SMYD3: variants seen among roughly 807,000 people sequenced by gnomAD.
The protein encoded by SMYD3 is histone-lysine N-methyltransferase SMYD3.
Under a neutral mutation model 57.7 loss-of-function variants are expected in SMYD3, and 36 were observed. The observed-to-expected ratio is 0.62, with a 90% CI of 0.48 to 0.82. The LOEUF (loss-of-function observed/expected upper bound fraction) is 0.82, where lower values mean the gene tolerates loss of function less well. Ranked by LOEUF, SMYD3 falls within the 40% of genes least tolerant of loss-of-function variation. SMYD3 has a pLI of 0.00. For missense variants in SMYD3, 515 were observed against 538.8 expected, an observed-to-expected ratio of 0.96 and a Z score of 0.44; for synonymous variants, 211 against 195.0, an observed-to-expected ratio of 1.08 and a Z score of -0.68.
At chr1:245,862,093 GTT>G (rs972793867) in intron 9 of SMYD3, among the ~76,000 whole-genome samples, 20 of 36,320 alleles carry the variant, frequency 5.5e-4, no homozygotes, top group African/African-American at 9.7e-4. Flanking sequence ...AGAGTTGACT[GTT>G]TTCCGTTTTC....
chr1:246,185,631 T>C (rs1196572874), intron 5 of SMYD3, among the ~76,000 whole-genome samples: 1 of 152,064 alleles, frequency 6.6e-6, no homozygotes, highest in Non-Finnish European at 1.5e-5. Flanking sequence ...CCGGCTAATT[T>C]TTTGTATGTT....
At chr1:245,932,493 C>CTAG (rs1377142559) in intron 5 of SMYD3, among the ~76,000 whole-genome samples, 2 of 152,162 alleles carry the variant, frequency 1.3e-5, no homozygotes, top group Non-Finnish European at 2.9e-5. Flanking sequence ...AGGGCAGACA[C>CTAG]AGTGTTTCAT....
chr1:246,292,711 A>G (rs1478427629), intron 5 of SMYD3, among the ~76,000 whole-genome samples: 1 of 152,204 alleles, frequency 6.6e-6, no homozygotes, highest in Non-Finnish European at 1.5e-5. Flanking sequence ...CTTAAACAGA[A>G]GACCATGAAC....
intron 5 of SMYD3, among the ~76,000 whole-genome samples, chr1:246,153,400 G>A (rs1008038101): frequency 7.1e-6 from 1 of 139,986 alleles, no homozygotes; most frequent in South Asian, 2.8e-4. Flanking sequence ...AAACCCTGCT[G>A]GAGATAGGGA....
At chr1:246,055,165 G>C (rs575453637) in intron 5 of SMYD3, among the ~76,000 whole-genome samples, 1 of 149,982 alleles carries the variant, frequency 6.7e-6, no homozygotes, top group South Asian at 2.1e-4. Context: ...GACAGAGCAA[G>C]ACTCTGTCTC....
chr1:246,285,961 T>C (rs1454315116), intron 5 of SMYD3, among the ~76,000 whole-genome samples: 1 of 152,106 alleles, frequency 6.6e-6, no homozygotes, highest in Non-Finnish European at 1.5e-5. Flanking sequence ...CCCGCAAGAA[T>C]GGCCATAACC....
chr1:246,405,577 T>C (rs150310089), intron 1 of SMYD3, among the ~76,000 whole-genome samples: 6 of 152,134 alleles, frequency 3.9e-5, no homozygotes, highest in Non-Finnish European at 5.9e-5. Context: ...GGTGTCTTTA[T>C]TTTATTTCAT....
intron 5 of SMYD3, among the ~76,000 whole-genome samples, chr1:246,017,849 T>C (rs776499315): frequency 6.6e-5 from 10 of 152,178 alleles, no homozygotes; most frequent in Non-Finnish European, 1.3e-4. Context: ...TATAACCTAT[T>C]ACTACCGTTA....
chr1:245,765,078 A>AAAAAAAAAAAAAAAAAAAAC (rs1553315999), intron 10 of SMYD3, among the ~76,000 whole-genome samples: 1 of 139,534 alleles, frequency 7.2e-6, no homozygotes, highest in African/African-American at 2.8e-5. Context: ...ACACACACAC[A>AAAAAAAAAAAAAAAAAAAAC]AAACCACAGT....
intron 5 of SMYD3, among the ~76,000 whole-genome samples, chr1:246,322,734 A>G (rs2148653426): frequency 6.6e-6 from 1 of 152,332 alleles, no homozygotes; most frequent in East Asian, 1.9e-4. Context: ...AAAAAAAACA[A>G]AACTATCCAA....
At chr1:245,896,414 T>C (rs1219863338) in intron 8 of SMYD3, among the ~76,000 whole-genome samples, 2 of 91,672 alleles carry the variant, frequency 2.2e-5, no homozygotes, top group Admixed American at 2.1e-4. Context: ...AAACAGGCAA[T>C]GATCTCCCTG....
chr1:246,161,633 A>T (rs941933186), intron 5 of SMYD3, among the ~76,000 whole-genome samples: 1 of 152,248 alleles, frequency 6.6e-6, no homozygotes, highest in Non-Finnish European at 1.5e-5. Flanking sequence ...GCCTAGCAGT[A>T]AACCTGCAAC....
At chr1:245,933,380 G>A (rs1277602417) in intron 5 of SMYD3, among the ~76,000 whole-genome samples, 2 of 152,090 alleles carry the variant, frequency 1.3e-5, no homozygotes, top group Non-Finnish European at 2.9e-5. Flanking sequence ...TTTTTACCAT[G>A]TCTTAAAACT....
chr1:246,064,781 A>G (rs1166139707), intron 5 of SMYD3, among the ~76,000 whole-genome samples: 2 of 152,236 alleles, frequency 1.3e-5, no homozygotes, highest in African/African-American at 4.8e-5. Context: ...TCTAGACCGG[A>G]CTGAACTTAG....
At chr1:246,086,661 A>G (rs2060727295) in intron 5 of SMYD3, among the ~76,000 whole-genome samples, 1 of 152,102 alleles carries the variant, frequency 6.6e-6, no homozygotes. Flanking sequence ...AGGGAAATCA[A>G]TATCTAGTTG....
chr1:246,155,671 ATAGT>A (rs903413784), intron 5 of SMYD3, among the ~76,000 whole-genome samples: 11 of 152,096 alleles, frequency 7.2e-5, no homozygotes, highest in Non-Finnish European at 2.9e-5. Context: ...AAAGATGCTC[ATAGT>A]TAGCACCAAG....
chr1:246,339,213 T>A (rs1039426896), intron 2 of SMYD3, among the ~76,000 whole-genome samples: 4 of 152,170 alleles, frequency 2.6e-5, no homozygotes, highest in African/African-American at 9.7e-5. Flanking sequence ...GAGTTACCAA[T>A]ACAACACGGC....
intron 1 of SMYD3, among the ~76,000 whole-genome samples, chr1:246,462,419 C>T (rs770209387): frequency 2.0e-5 from 3 of 152,156 alleles, no homozygotes; most frequent in Non-Finnish European, 2.9e-5. Context: ...GCCTCTCCCA[C>T]GACTCCATGG....
chr1:246,339,514 A>AACCGATCAGATCAAAGAT (rs541520598), intron 2 of SMYD3, among the ~76,000 whole-genome samples: 10 of 152,164 alleles, frequency 6.6e-5, no homozygotes, highest in Non-Finnish European at 1.5e-4. Flanking sequence ...TCTGAAAAGA[A>AACCGATCAGATCAAAGAT]CTGAGAAGCC....
Sources: allele counts gnomAD v4.1 joint callset (sites outside exome capture counted in the v4.1 genomes callset), GRCh38; gene constraint gnomAD v4.1.1; transcripts MANE v1.5; gene names NCBI Gene and HGNC (gene_info 2026-07-23, HGNC 2026-07-21).